The following UNC13C variants were observed in gnomAD, a reference collection of about 807,000 sequenced individuals.
The protein encoded by UNC13C is unc-13 homolog C.
UNC13C carries 174 observed loss-of-function variants against 245.4 expected under a neutral mutation model. That is an observed-to-expected ratio of 0.71 (90% CI 0.63 to 0.80). The LOEUF (loss-of-function observed/expected upper bound fraction) is 0.80. UNC13C is among the 30% of genes least tolerant of loss of function. The pLI is 0.00. For synonymous variants in UNC13C, 992 were observed against 895.1 expected (o/e 1.11, Z -1.93); for missense variants, 2,829 against 2,602.9 (o/e 1.09, Z -1.89).
At chr15:53,874,963 A>G in the UNC13C span, among the ~76,000 whole-genome samples, 7 of 152,036 alleles carry the variant, frequency 4.6e-5, no homozygotes, top group East Asian at 1.9e-4. Flanking sequence ...GTGTGGTGGC[A>G]TGCACCTGAA....
At chr15:54,398,446 A>G (rs1596324708) in intron 18 of UNC13C, among the ~76,000 whole-genome samples, 2 of 151,284 alleles carry the variant, frequency 1.3e-5, no homozygotes, top group South Asian at 2.1e-4. Context: ...TTTTATATCA[A>G]TGTAATGATG....
intron 17 of UNC13C, among the ~76,000 whole-genome samples, chr15:54,347,763 G>A (rs1227861530): frequency 6.6e-6 from 1 of 152,032 alleles, no homozygotes; most frequent in African/African-American, 2.4e-5. Flanking sequence ...TTGACTTTTG[G>A]ATACATACAC....
intron 17 of UNC13C, among the ~76,000 whole-genome samples, chr15:54,373,387 T>A (rs1156582276): frequency 1.3e-5 from 2 of 152,154 alleles, no homozygotes; most frequent in Non-Finnish European, 2.9e-5. Context: ...GCTACTGGCC[T>A]GGATCCCATT....
At chr15:54,221,107 T>C (rs1425996226) in intron 4 of UNC13C, among the ~76,000 whole-genome samples, 1 of 152,080 alleles carries the variant, frequency 6.6e-6, no homozygotes, top group Non-Finnish European at 1.5e-5. Flanking sequence ...TATTTTCCCT[T>C]CATGTATTGA....
rs1901283230 is a variant in UNC13C, at chr15:54,627,838, T to C, written c.*725T>C. On this transcript the variant is annotated 3_prime_UTR_variant, in exon 33 of 33. Transcript: ENST00000260323. ...AGTTAATGCATTTGTCATATAGTGTTATGTCTTGGCTTTACCATATTTCAT... is the reference window on the plus strand; with the variant it reads ...AGTTAATGCATTTGTCATATAGTGTCATGTCTTGGCTTTACCATATTTCAT... 6.6e-6 allele frequency: 1 copy of C among 152,612 alleles called. No individual in the cohort carries two copies. The highest frequency in any genetic ancestry group is 6.6e-5 in the Admixed American group (1 of 15,254). The allele number at this position is 152,612 out of a possible 1,614,324, so 9.5% of individuals were successfully genotyped here. A position where few individuals can be genotyped will look rare whatever the true frequency, so the allele number is the denominator to read the frequency against.
intron 4 of UNC13C, among the ~76,000 whole-genome samples, chr15:54,229,826 G>T (rs569746718): frequency 2.0e-5 from 3 of 151,962 alleles, no homozygotes; most frequent in East Asian, 3.9e-4. Flanking sequence ...CTATTCCCTA[G>T]TTCTGAGATC....
intron 24 of UNC13C, among the ~76,000 whole-genome samples, chr15:54,525,291 A>G (rs1052146679): frequency 2.0e-5 from 3 of 152,126 alleles, no homozygotes; most frequent in Non-Finnish European, 4.4e-5. Context: ...TATAACCAAC[A>G]AAGGCTTTGT....
Position 54,448,381 on chromosome 15 carries a change from G to T in UNC13C, c.4933+33314G>T, listed in dbSNP as rs530218346. 1.7e-4 allele frequency among the ~76,000 whole-genome samples: 26 copies of T among 152,212 alleles called. No homozygotes were observed. In the South Asian group the frequency reaches 5.4e-3, roughly 32 times the overall value. On this transcript the variant is annotated intron_variant, in intron 19 of 32. Transcript: ENST00000260323. Reference sequence around the variant, plus strand: ...CTAATGTTGACTGTGGGGTGTTAAAGTTTCCCATTATTATTGTTTGGGAGT... The same window carrying T: ...CTAATGTTGACTGTGGGGTGTTAAATTTTCCCATTATTATTGTTTGGGAGT...
chr15:54,338,570 A>G, intron 17 of UNC13C, 81 bp downstream of exon 17: 1 of 1,461,000 alleles, frequency 6.8e-7, no homozygotes, highest in Non-Finnish European at 9.3e-7. Context: ...AATAGTAAAT[A>G]GAAAAGTATG....
the UNC13C span, among the ~76,000 whole-genome samples, chr15:53,907,768 T>G: frequency 1.7e-5 from 2 of 114,622 alleles, 1 homozygote. Flanking sequence ...AAGGTCTCTA[T>G]CTATCTTCAT....
chr15:54,516,145 A>C (rs1894964476), intron 24 of UNC13C, among the ~76,000 whole-genome samples: 1 of 152,206 alleles, frequency 6.6e-6, no homozygotes, highest in Non-Finnish European at 1.5e-5. Flanking sequence ...AATACCTATT[A>C]GCCACATGGA....
chr15:54,569,626 G>A (rs1897665306), intron 30 of UNC13C, among the ~76,000 whole-genome samples: 1 of 151,358 alleles, frequency 6.6e-6, no homozygotes, highest in Non-Finnish European at 1.5e-5. Context: ...AATCAACTAT[G>A]GTATATGGAA....
chr15:54,131,115 A>G (rs12902669), intron 2 of UNC13C, among the ~76,000 whole-genome samples: 55,898 of 151,972 alleles, frequency 0.37, 10,350 homozygotes, highest in Admixed American at 0.39. Context: ...TAATTGGGAG[A>G]TTATGTTTGA....
intron 4 of UNC13C, among the ~76,000 whole-genome samples, chr15:54,195,238 A>G (rs550556019): frequency 6.3e-4 from 96 of 152,180 alleles, no homozygotes; most frequent in African/African-American, 2.3e-3. Flanking sequence ...AAAAGCCTAC[A>G]CTCTAAGAAG....
chr15:54,484,503 AC>A (rs1320575155), intron 19 of UNC13C, among the ~76,000 whole-genome samples: 1 of 152,076 alleles, frequency 6.6e-6, no homozygotes, highest in African/African-American at 2.4e-5. Context: ...GACTTATTAA[AC>A]AAATACATTA....
At chr15:54,245,877 A>G (rs1296531725) in intron 7 of UNC13C, among the ~76,000 whole-genome samples, 2 of 152,112 alleles carry the variant, frequency 1.3e-5, no homozygotes, top group Non-Finnish European at 2.9e-5. Context: ...ACATAATATC[A>G]CAAGGAGGAT....
intron 2 of UNC13C, among the ~76,000 whole-genome samples, chr15:54,056,044 G>T (rs1897503280): frequency 6.6e-6 from 1 of 152,082 alleles, no homozygotes; most frequent in Non-Finnish European, 1.5e-5. Context: ...GCAAAAAAAT[G>T]TCAAGAAATT....
chr15:54,438,623 T>A (rs1349137940), intron 19 of UNC13C, among the ~76,000 whole-genome samples: 1 of 151,974 alleles, frequency 6.6e-6, no homozygotes, highest in Non-Finnish European at 1.5e-5. Flanking sequence ...CTCTAATTTG[T>A]TATCTAGGTA....
At chr15:54,183,725 G>A (rs1329406524) in intron 4 of UNC13C, among the ~76,000 whole-genome samples, 1 of 147,904 alleles carries the variant, frequency 6.8e-6, no homozygotes, top group Non-Finnish European at 1.5e-5. Flanking sequence ...ATATATGTTA[G>A]TCTTTGTGCT....
Sources: gnomAD v4.1 joint callset for allele counts (sites outside exome capture counted in the v4.1 genomes callset) on GRCh38, gnomAD v4.1.1 for gene constraint, MANE v1.5 for transcripts, NCBI Gene and HGNC (gene_info 2026-07-23, HGNC 2026-07-21) for gene names.